The following DNAJC11 variants were observed in gnomAD, a reference collection of about 807,000 sequenced individuals.
The protein encoded by DNAJC11 is DnaJ heat shock protein family (Hsp40) member C11, also known as dnaJ homolog subfamily C member 11.
Under a neutral mutation model 78.6 loss-of-function variants are expected in DNAJC11, and 15 were observed. The ratio of observed to expected loss-of-function variants is 0.19; its 90% CI spans 0.13 to 0.29. DNAJC11 has a LOEUF of 0.29. Among genes scored for constraint, DNAJC11 ranks in the 10% least tolerant of loss-of-function variants. The probability of loss-of-function intolerance (pLI) is 1.00; values close to 1 mark genes in which losing one functional copy is unlikely to be tolerated. For missense variants in DNAJC11, 547 were observed against 709.6 expected, an observed-to-expected ratio of 0.77 and a Z score of 2.60; for synonymous variants, 292 against 272.1, an observed-to-expected ratio of 1.07 and a Z score of -0.72.
chr1:6,699,652 T>C (rs778489064), intron 1 of DNAJC11, among the ~76,000 whole-genome samples: 16 of 152,250 alleles, frequency 1.1e-4, no homozygotes, highest in Non-Finnish European at 1.6e-4. Flanking sequence ...CATTAAAACC[T>C]AGATGATGGG....
chr1:6,664,452 A>C (rs1462283979), intron 4 of DNAJC11, among the ~76,000 whole-genome samples: 1 of 151,982 alleles, frequency 6.6e-6, no homozygotes, highest in South Asian at 2.1e-4. Flanking sequence ...GTTAGCCAGG[A>C]TGGTCTCGAT....
chr1:6,676,062 TAA>T lies in DNAJC11; in HGVS notation c.276+2330_276+2331del, dbSNP rs146350197. Among the ~76,000 whole-genome samples, 492 of 152,358 alleles carry T rather than the reference TAA, an allele frequency of 3.2e-3. 1 individual carries two copies. The highest frequency in any genetic ancestry group is 0.011 in the African/African-American group (478 of 41,584). ...CTTTCCTTTTTGGATGAGAAAATGC[TAA>T]GTTATTTGGCTTAATACCTAGCTGC... On this transcript the variant is annotated intron_variant, in intron 3 of 15. Transcript: ENST00000377577.
At position 6,645,930 on chromosome 1, in the gene DNAJC11, T is replaced by C; in HGVS notation, c.753A>G (p.Arg251=). ...CALQFSSRGI[R]PGLTTVLARN... ...GAGCTAGGACAGTGGTCAGGCCGGG[T>C]CGGATTCCACGGGATGAAAACTGCA... The change falls in exon 8 of 16, where the codon CGA becomes CGG. Residue 251 remains arginine, a synonymous_variant. Coordinates refer to ENST00000377577, the MANE Select transcript of DNAJC11 (RefSeq NM_018198.4). The surrounding 1 kb of genome is among the most constrained non-coding windows in gnomAD (Gnocchi z 4.1). The C allele has an allele frequency of 6.2e-7, 1 of 1,614,080 alleles. No individual in the cohort carries two copies. The highest frequency in any genetic ancestry group is 8.5e-7 in the Non-Finnish European group (1 of 1,180,006).
chr1:6,657,803 C>T (rs1254856145), intron 4 of DNAJC11, among the ~76,000 whole-genome samples: 1 of 151,832 alleles, frequency 6.6e-6, no homozygotes, highest in Admixed American at 6.6e-5. Flanking sequence ...TGCCACCACG[C>T]CCGGCTAATT....
chr1:6,635,764 A>T, intron 15 of DNAJC11, 64 bp from the exon 16 acceptor site: 1 of 1,588,350 alleles, frequency 6.3e-7, no homozygotes, highest in Non-Finnish European at 8.6e-7. Context: ...CTTTCTACTG[A>T]TGGGGCTCAG....
intron 3 of DNAJC11, 134 bp downstream of exon 3, chr1:6,678,260 T>C (rs1348235601): frequency 2.0e-6 from 2 of 984,862 alleles, no homozygotes; most frequent in Non-Finnish European, 3.2e-6. Flanking sequence ...AAAACAAAAA[T>C]ACAGGGCAAG....
At position 6,637,225 on chromosome 1, in the gene DNAJC11, C is replaced by T. The variant is rs12134083; in HGVS notation, c.1497G>A (p.Ser499=). 14,225 of 1,614,164 alleles carry T rather than the reference C, an allele frequency of 8.8e-3. 97 individuals are homozygous for T. Among genetic ancestry groups the T allele is most frequent in the Non-Finnish European group, 0.01 (11,881 of 1,180,024 alleles). Reference sequence around the variant, plus strand: ...TGGAGGCCTCCGTGAGGATGAGCTTCGAGTCCTTCACCAGGCACTGCAGGG... The same window carrying T: ...TGGAGGCCTCCGTGAGGATGAGCTTTGAGTCCTTCACCAGGCACTGCAGGG... The part of the protein sequence containing the change: ...TVPLQCLVKD[S]KLILTEASKA... Residue 499 remains serine (S), a synonymous_variant, in exon 14 of 16, where the codon TCG becomes TCA. Coordinates refer to ENST00000377577, the MANE Select transcript of DNAJC11 (RefSeq NM_018198.4).
chr1:6,681,655 T>C (rs1034108291), intron 1 of DNAJC11, among the ~76,000 whole-genome samples: 2 of 152,064 alleles, frequency 1.3e-5, no homozygotes, highest in Non-Finnish European at 2.9e-5. Context: ...ACGCAGGACA[T>C]CTGAAGGTGT....
At chr1:6,695,589 A>G (rs549379766) in intron 1 of DNAJC11, among the ~76,000 whole-genome samples, 2 of 141,816 alleles carry the variant, frequency 1.4e-5, no homozygotes, top group South Asian at 2.4e-4. Flanking sequence ...CAGGAGTTTG[A>G]GACCAGTCTG....
chr1:6,673,770 G>A (rs1184228714), intron 3 of DNAJC11, among the ~76,000 whole-genome samples: 1 of 152,192 alleles, frequency 6.6e-6, no homozygotes, highest in African/African-American at 2.4e-5. Context: ...GACACGAGGT[G>A]TCCTTAGTCT....
At chr1:6,667,672 C>T (rs560331662) in intron 4 of DNAJC11, 37 bp downstream of exon 4, 2 of 1,574,208 alleles carry the variant, frequency 1.3e-6, no homozygotes, top group East Asian at 4.5e-5. Flanking sequence ...GAGGCCTTTT[C>T]ATGAAGTGTC....
At chr1:6,659,184 T>A (rs1002736679) in intron 4 of DNAJC11, among the ~76,000 whole-genome samples, 1 of 152,206 alleles carries the variant, frequency 6.6e-6, no homozygotes, top group African/African-American at 2.4e-5. Flanking sequence ...TCTTGAACCA[T>A]CACACATTAA....
chr1:6,646,653 C>T (rs1384722538), intron 7 of DNAJC11, among the ~76,000 whole-genome samples: 2 of 152,068 alleles, frequency 1.3e-5, no homozygotes, highest in African/African-American at 4.8e-5. Flanking sequence ...AACCGGTTCC[C>T]GAAAAGAGCC....
At position 6,652,959 on chromosome 1, in the gene DNAJC11, T is replaced by C. The variant is rs370230955; in HGVS notation, c.508-8A>G. ...TGTCGCTGTCAAGGGTGCCTAAAAATGGTATTTGCTGGTAATGAATGAATC... is the reference window on the plus strand; with the variant it reads ...TGTCGCTGTCAAGGGTGCCTAAAAACGGTATTTGCTGGTAATGAATGAATC... On this transcript the variant is annotated splice_polypyrimidine_tract_variant and splice_region_variant and intron_variant, in intron 5 of 15. Coordinates refer to ENST00000377577, the MANE Select transcript of DNAJC11 (RefSeq NM_018198.4). The C allele has an allele frequency of 8.7e-6, 14 of 1,613,938 alleles. No homozygotes were observed. The highest frequency in any genetic ancestry group is 1.7e-5 in the Admixed American group (1 of 59,964).
chr1:6,653,830 C>T lies in DNAJC11; in HGVS notation c.507+81G>A. 1 of 1,541,174 alleles carries T rather than the reference C, an allele frequency of 6.5e-7. No individual in the cohort carries two copies. Among genetic ancestry groups the T allele is most frequent in the South Asian group, 1.2e-5 (1 of 86,804 alleles). ...AAAGATGAGAAAAACCCTGGGCAGA[C>T]TCTCATTCCAGCTGCTTGGTGTGCT... On this transcript the variant is annotated intron_variant, in intron 5 of 15. Transcript: ENST00000377577. The surrounding 1 kb of genome is among the most constrained non-coding windows in gnomAD (Gnocchi z 4.5).
intron 4 of DNAJC11, among the ~76,000 whole-genome samples, chr1:6,665,269 A>T (rs1642277904): frequency 6.6e-6 from 1 of 152,096 alleles, no homozygotes; most frequent in Non-Finnish European, 1.5e-5. Flanking sequence ...GGGTCTTGTT[A>T]TATTGCACAG....
At position 6,669,104 on chromosome 1, in the gene DNAJC11, T is replaced by C. The variant is rs188426443; in HGVS notation, c.277-1294A>G. Among the ~76,000 whole-genome samples, 266 of 150,864 alleles carry C rather than the reference T, an allele frequency of 1.8e-3. 1 individual carries two copies. The highest frequency in any genetic ancestry group is 0.017 in the Middle Eastern group (5 of 292). On this transcript the variant is annotated intron_variant, in intron 3 of 15. Coordinates refer to ENST00000377577, the MANE Select transcript of DNAJC11 (RefSeq NM_018198.4). Reference sequence around the variant, plus strand: ...TGGGAGGCTGAGGCAGGAAAATTGCTTGAACCCAGGAGGTGAAGGTTGCAG... The same window carrying C: ...TGGGAGGCTGAGGCAGGAAAATTGCCTGAACCCAGGAGGTGAAGGTTGCAG...
At chr1:6,687,043 A>C (rs552127427) in intron 1 of DNAJC11, among the ~76,000 whole-genome samples, 6 of 152,372 alleles carry the variant, frequency 3.9e-5, no homozygotes, top group African/African-American at 1.4e-4. Context: ...TCAGCTCATA[A>C]AAACCTGCAG....
intron 1 of DNAJC11, among the ~76,000 whole-genome samples, chr1:6,699,879 C>G (rs994027686): frequency 2.0e-5 from 3 of 152,202 alleles, no homozygotes; most frequent in African/African-American, 7.2e-5. Flanking sequence ...ACTGGACATT[C>G]TCATAGTACA....
Sources: gnomAD v4.1 joint callset for allele counts (sites outside exome capture counted in the v4.1 genomes callset) on GRCh38, gnomAD v4.1.1 for gene constraint, Gnocchi (gnomAD v3.1) non-coding constraint, MANE v1.5 for transcripts, NCBI Gene and HGNC (gene_info 2026-07-23, HGNC 2026-07-21) for gene names.